The following FAM110D variants were observed in gnomAD, a reference collection of about 807,000 sequenced individuals.
The protein encoded by FAM110D is family with sequence similarity 110 member D, also known as protein FAM110D.
For synonymous variants in FAM110D, 174 were observed against 189.4 expected (o/e 0.92, Z 0.67); for missense variants, 376 against 395.6 (o/e 0.95, Z 0.42).
At position 26,161,809 on chromosome 1, in the gene FAM110D, G is replaced by T. The variant is rs545889555; in HGVS notation, c.518G>T (p.Arg173Leu). The change falls in exon 2 of 2, where the codon CGC becomes CTC. Residue 173 changes from arginine to leucine, a missense_variant. Physicochemically the swap from Arg to Leu is moderately radical, Grantham distance 102. Coordinates refer to ENST00000374268, the MANE Select transcript of FAM110D (RefSeq NM_024869.3). The surrounding 1 kb of genome is among the most constrained non-coding windows in gnomAD (Gnocchi z 5.4). The stretch of plus-strand genomic sequence containing the variant: ...TTCTTCAACTACTGCGGCCTGGAGC[G>T]CGCGCTGGTGGAGGTGCTGGGCGCA... ...ERFFNYCGLE[R>L]ALVEVLGAER... is the part of the protein sequence containing the mutation. The T allele has an allele frequency of 2.6e-6, 4 of 1,548,934 alleles. No homozygotes were observed. The highest frequency in any genetic ancestry group is 1.2e-5 in the South Asian group (1 of 84,078).
Position 26,162,183 on chromosome 1 carries a change from G to T in FAM110D, c.*76G>T. The T allele has an allele frequency of 5.2e-6, 5 of 961,444 alleles. No homozygotes were observed. The highest frequency in any genetic ancestry group is 6.8e-6 in the Non-Finnish European group (5 of 733,438). The allele number at this position is 961,444 out of a possible 1,614,324, so 59.6% of individuals were successfully genotyped here. ...ACACCCCTCTTCTGGCGCGCTGGGT[G>T]CCTTTGCGTAAGCCCTTCCTTCTGG... On this transcript the variant is annotated 3_prime_UTR_variant, in exon 2 of 2. Transcript: ENST00000374268. This position sits in a 1 kb window ranked among gnomAD's most constrained non-coding sequence, Gnocchi z 5.3.
At position 26,162,038 on chromosome 1, in the gene FAM110D, C is replaced by T; in HGVS notation, c.747C>T (p.Asn249=). ...CCCCGGTGTCGGTGGTGGAGCGCAA[C>T]GCGCGCGTCATCCAGTGGCTGTACG... ...RRPPVSVVER[N]ARVIQWLYGC... is the part of the protein sequence containing the mutation. Residue 249 remains asparagine (N), a synonymous_variant, in exon 2 of 2, where the codon AAC becomes AAT. Transcript: ENST00000374268. This position sits in a 1 kb window ranked among gnomAD's most constrained non-coding sequence, Gnocchi z 5.3. 8.0e-7 allele frequency: 1 copy of T among 1,250,818 alleles called. No homozygotes were observed. Among genetic ancestry groups the T allele is most frequent in the South Asian group, 3.5e-5 (1 of 28,758 alleles). The allele number at this position is 1,250,818 out of a possible 1,614,324, so 77.5% of individuals were successfully genotyped here.
At position 26,161,867 on chromosome 1, in the gene FAM110D, C is replaced by T; in HGVS notation, c.576C>T (p.Asp192=). The T allele has an allele frequency of 6.7e-7, 1 of 1,491,078 alleles. No individual in the cohort carries two copies. Among genetic ancestry groups the T allele is most frequent in the Non-Finnish European group, 8.9e-7 (1 of 1,125,690 alleles). 92.4% of individuals were successfully genotyped at this position (1,491,078 alleles called of 1,614,324 possible). Residue 192 remains aspartate (D), a synonymous_variant, in exon 2 of 2, where the codon GAC becomes GAT. Transcript: ENST00000374268. The surrounding 1 kb of genome is among the most constrained non-coding windows in gnomAD (Gnocchi z 5.4). ...TCTCCCCGCAGAGCTGGGGAGCCGA[C>T]GCCAGCCCGCAGGCCGGAACTTCGC... is the stretch of plus-strand genomic sequence containing the variant. ...ERFSPQSWGA[D]ASPQAGTSPP... is the part of the protein sequence containing the mutation.
chr1:26,161,802 C>G lies in FAM110D; in HGVS notation c.511C>G (p.Leu171Val). Residue 171 changes from leucine (L) to valine (V), a missense_variant, in exon 2 of 2, where the codon CTG becomes GTG. Physicochemically the swap from Leu to Val is conservative, Grantham distance 32. Coordinates refer to ENST00000374268, the MANE Select transcript of FAM110D (RefSeq NM_024869.3). This position sits in a 1 kb window ranked among gnomAD's most constrained non-coding sequence, Gnocchi z 5.4. ...GGAGCGCTTCTTCAACTACTGCGGC[C>G]TGGAGCGCGCGCTGGTGGAGGTGCT... is the stretch of plus-strand genomic sequence containing the variant. ...EKERFFNYCG[L>V]ERALVEVLGA... 1.3e-6 allele frequency: 2 copies of G among 1,550,044 alleles called. No homozygotes were observed. The highest frequency in any genetic ancestry group is 1.7e-6 in the Non-Finnish European group (2 of 1,147,824).
chr1:26,162,001 G>T lies in FAM110D; in HGVS notation c.710G>T (p.Arg237Leu). ...GGGSEAAGSA[R>L]DRRPPVSVVE... ...GGCTCGGAGGCAGCGGGCTCGGCGC[G>T]GGACCGGCGCCCCCCGGTGTCGGTG... The change falls in exon 2 of 2, where the codon CGG (arginine) becomes CTG (leucine). Residue 237 changes from arginine to leucine, a missense_variant. Coordinates refer to ENST00000374268, the MANE Select transcript of FAM110D (RefSeq NM_024869.3). This position sits in a 1 kb window ranked among gnomAD's most constrained non-coding sequence, Gnocchi z 5.3. 1 of 1,235,790 alleles carries T rather than the reference G, an allele frequency of 8.1e-7. No homozygotes were observed. The highest frequency in any genetic ancestry group is 3.9e-5 in the South Asian group (1 of 25,630). The allele number at this position is 1,235,790 out of a possible 1,614,324, so 76.6% of individuals were successfully genotyped here. A position where few individuals can be genotyped will look rare whatever the true frequency, so the allele number is the denominator to read the frequency against.
chr1:26,159,305 C>G (rs977106918), intron 1 of FAM110D, among the ~76,000 whole-genome samples, 179 bp downstream of exon 1: 5 of 152,164 alleles, frequency 3.3e-5, no homozygotes, highest in African/African-American at 9.7e-5. Flanking sequence ...ATGGAGGGCC[C>G]GAGGCTGCCT....
chr1:26,159,834 A>G (rs899244907), intron 1 of FAM110D, among the ~76,000 whole-genome samples: 9 of 152,046 alleles, frequency 5.9e-5, no homozygotes, highest in African/African-American at 2.2e-4. Flanking sequence ...GTTACTGCCA[A>G]GAGAACTGTC....
In FAM110D at chr1:26,162,074, C is replaced by T; in HGVS notation, c.783C>T (p.Arg261=). 7.9e-7 allele frequency: 1 copy of T among 1,271,352 alleles called. No homozygotes were observed. The highest frequency in any genetic ancestry group is 9.9e-7 in the Non-Finnish European group (1 of 1,009,696). The allele number at this position is 1,271,352 out of a possible 1,614,324, so 78.8% of individuals were successfully genotyped here. A position where few individuals can be genotyped will look rare whatever the true frequency, so the allele number is the denominator to read the frequency against. ...RVIQWLYGCQ[R]ARGPPRESEV ...TCCAGTGGCTGTACGGCTGCCAGCG[C>T]GCCCGCGGACCGCCGCGCGAGTCCG... The change falls in exon 2 of 2, where the codon CGC becomes CGT. Residue 261 remains arginine (R), a synonymous_variant. Coordinates refer to ENST00000374268, the MANE Select transcript of FAM110D (RefSeq NM_024869.3). The surrounding 1 kb of genome is among the most constrained non-coding windows in gnomAD (Gnocchi z 5.3).
rs1448433880 is a variant in FAM110D at position 26,161,331 on chromosome 1, A to ACCCCCAGCG, written c.43_51dup (p.Pro15_Ala17dup). 10 of 1,590,886 alleles carry ACCCCCAGCG rather than the reference A, an allele frequency of 6.3e-6. No individual in the cohort carries two copies. The East Asian group carries it at 2.3e-4, about 37-fold the overall frequency. ...TCCCTCCACCCCGTCCAGAGGACGG[A>ACCCCCAGCG]CCCCCAGCGCCGTGGAGAGGCTGGA... is the stretch of plus-strand genomic sequence containing the variant. On this transcript the variant is annotated inframe_insertion, in exon 2 of 2. Coordinates refer to ENST00000374268, the MANE Select transcript of FAM110D (RefSeq NM_024869.3). The surrounding 1 kb of genome is among the most constrained non-coding windows in gnomAD (Gnocchi z 5.4).
chr1:26,160,957 A>C (rs922125826), intron 1 of FAM110D, among the ~76,000 whole-genome samples: 1 of 152,202 alleles, frequency 6.6e-6, no homozygotes, highest in African/African-American at 2.4e-5. Context: ...CTGCTTGCTA[A>C]GGCCTGCTTG....
At chr1:26,160,101 T>C (rs929483305) in intron 1 of FAM110D, among the ~76,000 whole-genome samples, 2 of 144,988 alleles carry the variant, frequency 1.4e-5, no homozygotes, top group African/African-American at 2.4e-5. Context: ...TTTTTCTTTT[T>C]TTTTTTTTGA....
chr1:26,161,881 C>G lies in FAM110D; in HGVS notation c.590C>G (p.Ala197Gly), dbSNP rs769436556. The change falls in exon 2 of 2, where the codon GCC becomes GGC. Residue 197 changes from alanine (A) to glycine (G), a missense_variant. Coordinates refer to ENST00000374268, the MANE Select transcript of FAM110D (RefSeq NM_024869.3). This position sits in a 1 kb window ranked among gnomAD's most constrained non-coding sequence, Gnocchi z 5.4. ...TGGGGAGCCGACGCCAGCCCGCAGG[C>G]CGGAACTTCGCCGCCGCCCGGCTCC... ...QSWGADASPQ[A>G]GTSPPPGSGD... 304 of 1,469,266 alleles carry G rather than the reference C, an allele frequency of 2.1e-4. No homozygotes were observed. Among genetic ancestry groups the G allele is most frequent in the Non-Finnish European group, 2.7e-4 (296 of 1,116,316 alleles). 91.0% of individuals were successfully genotyped at this position (1,469,266 alleles called of 1,614,324 possible).
chr1:26,161,735 G>A lies in FAM110D; in HGVS notation c.444G>A (p.Lys148=). ...AGGATGCCCCGGAAGCGGCGGGAAAGCGGGCGCTGTGTCCCACGTGCTCGC... is the reference window on the plus strand; with the variant it reads ...AGGATGCCCCGGAAGCGGCGGGAAAACGGGCGCTGTGTCCCACGTGCTCGC... ...APQDAPEAAG[K]RALCPTCSLP... The change falls in exon 2 of 2, where the codon AAG becomes AAA. Residue 148 remains lysine, a synonymous_variant. Transcript: ENST00000374268. This position sits in a 1 kb window ranked among gnomAD's most constrained non-coding sequence, Gnocchi z 5.4. The A allele has an allele frequency of 6.5e-7, 1 of 1,548,190 alleles. No individual in the cohort carries two copies. The highest frequency in any genetic ancestry group is 8.7e-7 in the Non-Finnish European group (1 of 1,146,146).
In FAM110D at chr1:26,159,722, GT is replaced by G. The variant is rs1462857993; in HGVS notation, c.-81+598del. Among the ~76,000 whole-genome samples, 5 of 151,810 alleles carry G rather than the reference GT, an allele frequency of 3.3e-5. No homozygotes were observed. The East Asian group carries it at 9.7e-4, about 29-fold the overall frequency. On this transcript the variant is annotated intron_variant, in intron 1 of 1. Transcript: ENST00000374268. ...CTTCCCTGGCTAATTCTGTTCCTTT[GT>G]TGTCCCCAGATCCAAGGTCCCTCAG...
Position 26,161,489 on chromosome 1 carries a change from G to A in FAM110D, c.198G>A (p.Thr66=), listed in dbSNP as rs1190435868. The change falls in exon 2 of 2, where the codon ACG becomes ACA. Residue 66 remains threonine, a synonymous_variant. Transcript: ENST00000374268. The surrounding 1 kb of genome is among the most constrained non-coding windows in gnomAD (Gnocchi z 5.4). ...TGGGGCCCCCTGCATCGCCCAGGAC[G>A]CCCAGGCCGGTCCGCCGGGGAAGCG... ...NELGPPASPR[T]PRPVRRGSGR... The A allele has an allele frequency of 5.1e-6, 8 of 1,554,154 alleles. No individual in the cohort carries two copies. Among genetic ancestry groups the A allele is most frequent in the African/African-American group, 1.4e-5 (1 of 73,242 alleles).
chr1:26,159,514 G>A (rs1569850478), intron 1 of FAM110D, among the ~76,000 whole-genome samples: 2 of 151,926 alleles, frequency 1.3e-5, no homozygotes, highest in East Asian at 3.9e-4. Context: ...TGGGACCTTG[G>A]AATCTGACCC....
Position 26,163,263 on chromosome 1 carries a change from GC to G in FAM110D, c.*1158del, listed in dbSNP as rs2088388765. 1 of 151,690 alleles carries G rather than the reference GC, an allele frequency of 6.6e-6. No homozygotes were observed. The highest frequency in any genetic ancestry group is 2.4e-5 in the African/African-American group (1 of 41,126). The allele number at this position is 151,690 out of a possible 1,614,324, so 9.4% of individuals were successfully genotyped here. On this transcript the variant is annotated 3_prime_UTR_variant, in exon 2 of 2. Transcript: ENST00000374268. ...TTTCATCACAGGTTCGCACCTCCAAGCCTGCATCCTTCATGCACCTCCTTCC... is the reference window on the plus strand; with the variant it reads ...TTTCATCACAGGTTCGCACCTCCAAGCTGCATCCTTCATGCACCTCCTTCC...
Position 26,161,194 on chromosome 1 carries a change from C to A in FAM110D, c.-80-18C>A, listed in dbSNP as rs1224007474. 2 of 1,251,042 alleles carry A rather than the reference C, an allele frequency of 1.6e-6. No individual in the cohort carries two copies. Among genetic ancestry groups the A allele is most frequent in the East Asian group, 2.6e-5 (1 of 38,962 alleles). 77.5% of individuals were successfully genotyped at this position (1,251,042 alleles called of 1,614,324 possible). ...GGGCATTTCCTACCCTTCCCCTGAC[C>A]TTCCTCTCTCCCTGCAGGTCAGTGA... is the stretch of plus-strand genomic sequence containing the variant. On this transcript the variant is annotated intron_variant, in intron 1 of 1. Transcript: ENST00000374268. The surrounding 1 kb of genome is among the most constrained non-coding windows in gnomAD (Gnocchi z 5.4).
chr1:26,160,321 T>G (rs546777663), intron 1 of FAM110D, among the ~76,000 whole-genome samples: 1 of 152,204 alleles, frequency 6.6e-6, no homozygotes, highest in East Asian at 1.9e-4. Context: ...CTGGAACTCC[T>G]CACCTAAGGT....
Sources: allele counts gnomAD v4.1 joint callset (sites outside exome capture counted in the v4.1 genomes callset), GRCh38; gene constraint gnomAD v4.1.1; non-coding constraint Gnocchi (gnomAD v3.1); transcripts MANE v1.5; gene names NCBI Gene and HGNC (gene_info 2026-07-23, HGNC 2026-07-21).